The following PDE1C variants were observed in gnomAD, a reference collection of about 807,000 sequenced individuals.
PDE1C encodes phosphodiesterase 1C.
In PDE1C, 62 loss-of-function variants were observed where a neutral mutation model predicts 93.1. The ratio of observed to expected loss-of-function variants is 0.67; its 90% CI spans 0.54 to 0.82. The LOEUF is 0.82. Ranked by LOEUF, PDE1C falls within the 40% of genes least tolerant of loss-of-function variation. PDE1C has a pLI of 0.00. For synonymous variants in PDE1C, 325 were observed against 310.1 expected, an observed-to-expected ratio of 1.05 and a Z score of -0.50; for missense variants, 742 against 884.6, an observed-to-expected ratio of 0.84 and a Z score of 2.04.
intron 1 of PDE1C, among the ~76,000 whole-genome samples, chr7:32,227,455 C>T (rs1049752233): frequency 2.0e-5 from 3 of 152,198 alleles, no homozygotes; most frequent in Non-Finnish European, 2.9e-5. Context: ...GGTAGACTGT[C>T]GGCCCTGTGA....
intron 1 of PDE1C, among the ~76,000 whole-genome samples, chr7:32,421,979 G>C (rs1236949192): frequency 6.6e-6 from 1 of 152,160 alleles, no homozygotes; most frequent in Non-Finnish European, 1.5e-5. Context: ...CGCCAGGAAA[G>C]AGAATCAAAA....
intron 10 of PDE1C, 30 bp from the exon 11 acceptor site, chr7:31,837,330 TA>T: frequency 6.3e-7 from 1 of 1,581,944 alleles, no homozygotes; most frequent in Non-Finnish European, 8.6e-7. Flanking sequence ...AAACACATGA[TA>T]ACCACACTCT....
intron 3 of PDE1C, among the ~76,000 whole-genome samples, chr7:32,096,114 T>C (rs948723677): frequency 6.6e-6 from 1 of 152,082 alleles, no homozygotes; most frequent in Non-Finnish European, 1.5e-5. Context: ...ACCTCCAAAA[T>C]AGGGTACAGC....
intron 2 of PDE1C, among the ~76,000 whole-genome samples, chr7:32,047,582 T>TA (rs541583373): frequency 6.2e-4 from 95 of 152,282 alleles, no homozygotes; most frequent in African/African-American, 2.1e-3. Flanking sequence ...TGAGACTCAG[T>TA]AAAATCACTA....
At chr7:32,041,930 T>C (rs886549546) in intron 2 of PDE1C, among the ~76,000 whole-genome samples, 2 of 152,182 alleles carry the variant, frequency 1.3e-5, no homozygotes, top group Non-Finnish European at 2.9e-5. Flanking sequence ...CAGATCTTTT[T>C]GACGTTGATT....
intron 2 of PDE1C, among the ~76,000 whole-genome samples, chr7:32,196,530 T>C (rs1026686305): frequency 6.6e-6 from 1 of 152,206 alleles, no homozygotes; most frequent in African/African-American, 2.4e-5. Context: ...CTTCTTCTTT[T>C]TGCCTTCAGA....
rs150205666 is a variant in PDE1C at position 31,963,587 on chromosome 7, T to C, written c.129-82727A>G. Among the ~76,000 whole-genome samples, 856 of 152,366 alleles carry C rather than the reference T, an allele frequency of 5.6e-3. 2 individuals carry two copies. Among genetic ancestry groups the C allele is most frequent in the Non-Finnish European group, 9.3e-3 (634 of 68,034 alleles). On this transcript the variant is annotated intron_variant, in intron 2 of 17. Transcript: ENST00000396191. ...CATATTATTGCTTGTATATTTATTCTGAATTTCCTGTAATTTTTGAGAGTA... is the reference window on the plus strand; with the variant it reads ...CATATTATTGCTTGTATATTTATTCCGAATTTCCTGTAATTTTTGAGAGTA...
At chr7:32,161,190 C>T (rs912589682) in intron 3 of PDE1C, among the ~76,000 whole-genome samples, 2 of 152,150 alleles carry the variant, frequency 1.3e-5, no homozygotes, top group Non-Finnish European at 2.9e-5. Context: ...GTCCCTGCCA[C>T]CCAGAAAAAT....
At chr7:31,993,893 C>T (rs1284349593) in intron 2 of PDE1C, among the ~76,000 whole-genome samples, 1 of 152,056 alleles carries the variant, frequency 6.6e-6, no homozygotes, top group Admixed American at 6.6e-5. Context: ...ATGCAATAGC[C>T]CTGGGTTTTC....
intron 9 of PDE1C, among the ~76,000 whole-genome samples, chr7:31,845,521 C>A (rs1243646081): frequency 6.6e-6 from 1 of 151,966 alleles, no homozygotes; most frequent in Non-Finnish European, 1.5e-5. Context: ...CACACTGGGG[C>A]TTGTCAGGGG....
intron 2 of PDE1C, among the ~76,000 whole-genome samples, chr7:32,035,170 A>G (rs1216218504): frequency 6.6e-6 from 1 of 152,012 alleles, no homozygotes; most frequent in Non-Finnish European, 1.5e-5. Flanking sequence ...CATAAACTAC[A>G]AATGACATCT....
intron 3 of PDE1C, among the ~76,000 whole-genome samples, chr7:32,137,542 C>T (rs1199899132): frequency 2.0e-5 from 3 of 152,186 alleles, no homozygotes; most frequent in Non-Finnish European, 2.9e-5. Flanking sequence ...GGAATGGTCT[C>T]ATCGCCACCT....
At chr7:31,931,945 T>C (rs1804361122) in intron 2 of PDE1C, among the ~76,000 whole-genome samples, 1 of 152,176 alleles carries the variant, frequency 6.6e-6, no homozygotes, top group Non-Finnish European at 1.5e-5. Context: ...TTGAGAAACC[T>C]GACAAAAACA....
At chr7:31,851,059 T>G (rs1793262911) in intron 7 of PDE1C, among the ~76,000 whole-genome samples, 1 of 106,094 alleles carries the variant, frequency 9.4e-6, no homozygotes, top group Admixed American at 1.1e-4. Context: ...AGTTCCTAGG[T>G]AGACACACAC....
At chr7:32,247,122 G>T (rs944968505) in intron 1 of PDE1C, among the ~76,000 whole-genome samples, 2 of 152,188 alleles carry the variant, frequency 1.3e-5, no homozygotes, top group African/African-American at 4.8e-5. Flanking sequence ...GATGACACTT[G>T]AACCTATAAA....
chr7:31,808,307 A>G, intron 16 of PDE1C: 1 of 369,054 alleles, frequency 2.7e-6, no homozygotes, highest in Non-Finnish European at 5.2e-6. Context: ...TTAGCTTAAT[A>G]TGATGTCTGT....
At chr7:31,934,254 C>T (rs1804713014) in intron 2 of PDE1C, among the ~76,000 whole-genome samples, 1 of 152,150 alleles carries the variant, frequency 6.6e-6, no homozygotes, top group Non-Finnish European at 1.5e-5. Context: ...ATTTGATGTA[C>T]ATCTCTGCTC....
intron 7 of PDE1C, among the ~76,000 whole-genome samples, chr7:31,860,391 T>C (rs924233264): frequency 2.0e-5 from 3 of 152,208 alleles, no homozygotes; most frequent in African/African-American, 7.2e-5. Flanking sequence ...AACCCTGCTC[T>C]ACATCCTAAC....
chr7:31,777,941 T>C lies in PDE1C; in HGVS notation c.1892-2209A>G, dbSNP rs556041947. On this transcript the variant is annotated intron_variant, in intron 16 of 17. Transcript: ENST00000396191. ...CTGGCTGTAGCTGTGCTTCAGTTCTTGAACCTCAGTTGAGTAACTCAGTTA... is the reference window on the plus strand; with the variant it reads ...CTGGCTGTAGCTGTGCTTCAGTTCTCGAACCTCAGTTGAGTAACTCAGTTA... 1.1e-4 allele frequency among the ~76,000 whole-genome samples: 17 copies of C among 152,256 alleles called. No individual in the cohort carries two copies. In the East Asian group the frequency reaches 3.3e-3, roughly 30 times the overall value.
Sources: gnomAD v4.1 joint callset for allele counts (sites outside exome capture counted in the v4.1 genomes callset) on GRCh38, gnomAD v4.1.1 for gene constraint, MANE v1.5 for transcripts, NCBI Gene and HGNC (gene_info 2026-07-23, HGNC 2026-07-21) for gene names.